The following IL15RA variants were observed in gnomAD, a reference collection of about 807,000 sequenced individuals.
The protein encoded by IL15RA is interleukin 15 receptor subunit alpha, also known as interleukin-15 receptor subunit alpha.
A neutral mutation model predicts 24.2 loss-of-function variants in IL15RA; 26 were observed. The ratio of observed to expected loss-of-function variants is 1.07; its 90% CI spans 0.79 to 1.49. The LOEUF (loss-of-function observed/expected upper bound fraction) is 1.49. Ranked by LOEUF, IL15RA falls within the 40% of genes most tolerant of loss-of-function variation. The pLI is 0.00. For missense variants in IL15RA, 354 were observed against 356.4 expected (o/e 0.99, Z 0.05); for synonymous variants, 166 against 157.6 (o/e 1.05, Z -0.40).
At position 5,960,288 on chromosome 10, in the gene IL15RA, G is replaced by T; in HGVS notation, c.583+79C>A. 1.5e-6 allele frequency: 2 copies of T among 1,309,190 alleles called. No individual in the cohort carries two copies. The highest frequency in any genetic ancestry group is 2.2e-6 in the Non-Finnish European group (2 of 907,862). The allele number at this position is 1,309,190 out of a possible 1,614,324, so 81.1% of individuals were successfully genotyped here. ...GACTTTGGATTGATGGTATAAAGCT[G>T]CCTTGTGCCGGATCTCAGCCCCGAT... On this transcript the variant is annotated intron_variant, in intron 4 of 6. Transcript: ENST00000379977. This position sits in a 1 kb window ranked among gnomAD's most constrained non-coding sequence, Gnocchi z 5.1.
chr10:5,951,693 C>T (rs568578704), downstream of IL15RA, among the ~76,000 whole-genome samples: 4 of 152,022 alleles, frequency 2.6e-5, no homozygotes, highest in South Asian at 2.1e-4. Flanking sequence ...CAGGGTGTGG[C>T]GGCACATGCC....
At position 5,973,511 on chromosome 10, in the gene IL15RA, C is replaced by T. The variant is rs893556486; in HGVS notation, c.88+3894G>A. On this transcript the variant is annotated intron_variant, in intron 1 of 6. Coordinates refer to ENST00000379977, the MANE Select transcript of IL15RA (RefSeq NM_002189.4). The surrounding 1 kb of genome is among the most constrained non-coding windows in gnomAD (Gnocchi z 4.5). ...TTTTGTATACTGCAACCAACTTAGA[C>T]ACATATGGCTGACTGATGTTCAAAA... Among the ~76,000 whole-genome samples, 5 of 152,278 alleles carry T rather than the reference C, an allele frequency of 3.3e-5. No individual in the cohort carries two copies. The highest frequency in any genetic ancestry group is 9.6e-5 in the African/African-American group (4 of 41,546).
rs8177632 is a variant in IL15RA at position 5,977,227 on chromosome 10, C to G, written c.88+178G>C. The G allele has an allele frequency of 5.7e-3, 2,068 of 364,848 alleles. 53 individuals carry two copies. Among genetic ancestry groups the G allele is most frequent in the African/African-American group, 0.04 (1,881 of 47,372 alleles). The allele number at this position is 364,848 out of a possible 1,614,324, so 22.6% of individuals were successfully genotyped here. On this transcript the variant is annotated intron_variant, in intron 1 of 6. Transcript: ENST00000379977. ...CTCCCTGCGACCCCGGCTCCCGGCA[C>G]GTGTCCCTCCTGCCCGGCGCCGCGT...
In IL15RA at chr10:5,959,818, G is replaced by A. The variant is rs767922959; in HGVS notation, c.584-32C>T. ...AAAAGAGAGGACAGCATCACGGCTC[G>A]AGTCCTAGAGGTCCTAGTTCCTCAT... On this transcript the variant is annotated intron_variant, in intron 4 of 6. Coordinates refer to ENST00000379977, the MANE Select transcript of IL15RA (RefSeq NM_002189.4). This position sits in a 1 kb window ranked among gnomAD's most constrained non-coding sequence, Gnocchi z 4.1. The A allele has an allele frequency of 1.1e-5, 18 of 1,610,860 alleles. No homozygotes were observed. Among genetic ancestry groups the A allele is most frequent in the Non-Finnish European group, 1.4e-5 (17 of 1,177,616 alleles).
Position 5,968,986 on chromosome 10 carries a change from C to G in IL15RA, c.89-2647G>C. The G allele has an allele frequency of 3.3e-6, 5 of 1,534,312 alleles. No homozygotes were observed. The South Asian group carries it at 4.8e-5, about 15-fold the overall frequency. On this transcript the variant is annotated intron_variant, in intron 1 of 6. Coordinates refer to ENST00000379977, the MANE Select transcript of IL15RA (RefSeq NM_002189.4). This position sits in a 1 kb window ranked among gnomAD's most constrained non-coding sequence, Gnocchi z 5.4. ...GCCCATTTCCAGCAGCCGTGGACCT[C>G]CAGGGCTGTTTGTGTAGGATCCTGA... is the stretch of plus-strand genomic sequence containing the variant.
rs994436985 is a variant in IL15RA, at chr10:5,970,202, T to C, written c.89-3863A>G. Among the ~76,000 whole-genome samples, 5 of 152,226 alleles carry C rather than the reference T, an allele frequency of 3.3e-5. No individual in the cohort carries two copies. The highest frequency in any genetic ancestry group is 1.2e-4 in the African/African-American group (5 of 41,458). ...TGGTTGTTTTAGGGTGTCCACTATA[T>C]ATCTTTACCTTATCACAGTTTTCCT... On this transcript the variant is annotated intron_variant, in intron 1 of 6. Coordinates refer to ENST00000379977, the MANE Select transcript of IL15RA (RefSeq NM_002189.4). The surrounding 1 kb of genome is among the most constrained non-coding windows in gnomAD (Gnocchi z 4.1).
rs758576883 is a variant in IL15RA at position 5,966,433 on chromosome 10, A to G, written c.89-94T>C. 393 of 1,047,604 alleles carry G rather than the reference A, an allele frequency of 3.8e-4. No individual in the cohort carries two copies. Among genetic ancestry groups the G allele is most frequent in the Non-Finnish European group, 5.4e-4 (381 of 707,880 alleles). The allele number at this position is 1,047,604 out of a possible 1,614,324, so 64.9% of individuals were successfully genotyped here. On this transcript the variant is annotated intron_variant, in intron 1 of 6. Transcript: ENST00000379977. This position sits in a 1 kb window ranked among gnomAD's most constrained non-coding sequence, Gnocchi z 6.4. ...CGCAGCGGTAGTCAGTGTCCAGCTT[A>G]TCCTAGGGGTGCCTCAGGACAAGCC...
In IL15RA at chr10:5,961,202, ACTGTGCC is replaced by A. The variant is rs1330729222; in HGVS notation, c.383-642_383-636del. Among the ~76,000 whole-genome samples the A allele has an allele frequency of 1.3e-5, 2 of 152,118 alleles. No individual in the cohort carries two copies. The highest frequency in any genetic ancestry group is 4.8e-5 in the African/African-American group (2 of 41,434). ...AGTGCTGGGATTACGGGCGAGAGCC[ACTGTGCC>A]CTGCCGCAAGACCCTGTTTCTACAA... is the stretch of plus-strand genomic sequence containing the variant. On this transcript the variant is annotated intron_variant, in intron 3 of 6. Transcript: ENST00000379977. The surrounding 1 kb of genome is among the most constrained non-coding windows in gnomAD (Gnocchi z 5.2).
At chr10:5,956,314 C>T in intron 6 of IL15RA, 65 bp downstream of exon 6, 1 of 1,337,286 alleles carries the variant, frequency 7.5e-7, no homozygotes, top group Non-Finnish European at 1.1e-6. Context: ...CGCGCCCGGC[C>T]AGGTGCAGCT....
At chr10:5,977,684 G>A, upstream of IL15RA, 1 of 1,231,280 alleles carries the variant, frequency 8.1e-7, no homozygotes, top group Non-Finnish European at 1.0e-6. Context: ...CACCCCTGCT[G>A]GGGAAGGAGC....
chr10:5,956,368 G>A lies in IL15RA; in HGVS notation c.692+11C>T, dbSNP rs567583580. 7 of 1,602,798 alleles carry A rather than the reference G, an allele frequency of 4.4e-6. No individual in the cohort carries two copies. Among genetic ancestry groups the A allele is most frequent in the African/African-American group, 1.3e-5 (1 of 74,788 alleles). On this transcript the variant is annotated intron_variant, in intron 6 of 6. Transcript: ENST00000379977. ...CTAACTCTTGCAGAGGGAGTATCCA[G>A]TGCAACTCACCTTGACTTGAGGTAG... is the stretch of plus-strand genomic sequence containing the variant.
At position 5,970,846 on chromosome 10, in the gene IL15RA, A is replaced by C. The variant is rs1005814022; in HGVS notation, c.89-4507T>G. On this transcript the variant is annotated intron_variant, in intron 1 of 6. Coordinates refer to ENST00000379977, the MANE Select transcript of IL15RA (RefSeq NM_002189.4). The surrounding 1 kb of genome is among the most constrained non-coding windows in gnomAD (Gnocchi z 4.1). Reference sequence around the variant, plus strand: ...CATGATTATGCCCCGCTGCAGCCTCAAACTCCTGGCCTTAAGCAATCCTCC... The same window carrying C: ...CATGATTATGCCCCGCTGCAGCCTCCAACTCCTGGCCTTAAGCAATCCTCC... Among the ~76,000 whole-genome samples the C allele has an allele frequency of 6.6e-6, 1 of 151,678 alleles. No homozygotes were observed. Among genetic ancestry groups the C allele is most frequent in the African/African-American group, 2.4e-5 (1 of 41,224 alleles).
At position 5,970,025 on chromosome 10, in the gene IL15RA, C is replaced by T. The variant is rs935977691; in HGVS notation, c.89-3686G>A. ...TGGTGTCTTGACTCTGTATTCTGCA[C>T]CCTTGTAAACTCACTTATTCTAATA... On this transcript the variant is annotated intron_variant, in intron 1 of 6. Coordinates refer to ENST00000379977, the MANE Select transcript of IL15RA (RefSeq NM_002189.4). The surrounding 1 kb of genome is among the most constrained non-coding windows in gnomAD (Gnocchi z 4.1). Among the ~76,000 whole-genome samples, 2 of 152,150 alleles carry T rather than the reference C, an allele frequency of 1.3e-5. No individual in the cohort carries two copies. The highest frequency in any genetic ancestry group is 2.9e-5 in the Non-Finnish European group (2 of 68,040).
Position 5,968,525 on chromosome 10 carries a change from G to T in IL15RA, c.89-2186C>A. The T allele has an allele frequency of 2.0e-6, 1 of 512,554 alleles. No homozygotes were observed. The allele number at this position is 512,554 out of a possible 1,614,324, so 31.8% of individuals were successfully genotyped here. On this transcript the variant is annotated intron_variant, in intron 1 of 6. Transcript: ENST00000379977. This position sits in a 1 kb window ranked among gnomAD's most constrained non-coding sequence, Gnocchi z 5.4. ...AGGACACATCTTCTGCTAAGCTGAT[G>T]GCGTGAGAGATGGAGTCGATCTCAC...
rs1339573351 is a variant in IL15RA, at chr10:5,963,336, T to C, written c.382+407A>G. Among the ~76,000 whole-genome samples the C allele has an allele frequency of 3.3e-5, 5 of 152,294 alleles. No homozygotes were observed. The highest frequency in any genetic ancestry group is 1.2e-4 in the African/African-American group (5 of 41,560). On this transcript the variant is annotated intron_variant, in intron 3 of 6. Transcript: ENST00000379977. This position sits in a 1 kb window ranked among gnomAD's most constrained non-coding sequence, Gnocchi z 5.3. ...TGGCTAGGGGACGAGGGAATTGATG[T>C]AAACATGCTGAAGCTCCCGCTGCCT...
chr10:5,949,168 A>G (rs751630575), downstream of IL15RA: 6 of 469,724 alleles, frequency 1.3e-5, no homozygotes, highest in African/African-American at 1.0e-4. This position sits in a 1 kb window ranked among gnomAD's most constrained non-coding sequence, Gnocchi z 4.4. Flanking sequence ...TGTCTTCCCT[A>G]TAGACATCTC....
intron 1 of IL15RA, among the ~76,000 whole-genome samples, chr10:5,976,584 T>C (rs1245739518): frequency 6.6e-6 from 1 of 152,102 alleles, no homozygotes; most frequent in East Asian, 1.9e-4. Context: ...TATAAAAAGA[T>C]AAAGAAGCGC....
rs1314395119 is a variant in IL15RA, at chr10:5,955,617, A to G, written c.692+762T>C. 6.6e-6 allele frequency among the ~76,000 whole-genome samples: 1 copy of G among 152,236 alleles called. No individual in the cohort carries two copies. The highest frequency in any genetic ancestry group is 1.5e-5 in the Non-Finnish European group (1 of 68,040). ...ATACTGCCTAAAGATTAAAAAAATG[A>G]GAAAAATTAAAAAAGTTAGCAAGTG... On this transcript the variant is annotated intron_variant, in intron 6 of 6. Coordinates refer to ENST00000379977, the MANE Select transcript of IL15RA (RefSeq NM_002189.4). This position sits in a 1 kb window ranked among gnomAD's most constrained non-coding sequence, Gnocchi z 5.3.
In IL15RA at chr10:5,973,608, GAAAC is replaced by G. The variant is rs1837960012; in HGVS notation, c.88+3793_88+3796del. Among the ~76,000 whole-genome samples the G allele has an allele frequency of 6.6e-6, 1 of 152,114 alleles. No homozygotes were observed. Among genetic ancestry groups the G allele is most frequent in the Non-Finnish European group, 1.5e-5 (1 of 68,006 alleles). ...TGGAATAATTGGATATGCATATATAGAAACAAACAAAATCCCAAAACAACCTTTA... is the reference window on the plus strand; with the variant it reads ...TGGAATAATTGGATATGCATATATAGAAACAAAATCCCAAAACAACCTTTA... On this transcript the variant is annotated intron_variant, in intron 1 of 6. Transcript: ENST00000379977. The surrounding 1 kb of genome is among the most constrained non-coding windows in gnomAD (Gnocchi z 4.5).
Sources: allele counts gnomAD v4.1 joint callset (sites outside exome capture counted in the v4.1 genomes callset), GRCh38; gene constraint gnomAD v4.1.1; non-coding constraint Gnocchi (gnomAD v3.1); transcripts MANE v1.5; gene names NCBI Gene and HGNC (gene_info 2026-07-23, HGNC 2026-07-21).